SUCO: variants seen among roughly 807,000 people sequenced by gnomAD.
The protein encoded by SUCO is SUN domain-containing ossification factor.
SUCO carries 57 observed loss-of-function variants against 148.1 expected under a neutral mutation model. The ratio of observed to expected loss-of-function variants is 0.38; its 90% CI spans 0.31 to 0.48. The LOEUF is 0.48. Ranked by LOEUF, SUCO falls within the 20% of genes least tolerant of loss-of-function variation. SUCO has a pLI of 0.96. For synonymous variants in SUCO, 470 were observed against 502.7 expected (o/e 0.93, Z 0.87); for missense variants, 1,331 against 1,468.2 (o/e 0.91, Z 1.53).
At chr1:172,587,191 A>G (rs913932521) in intron 17 of SUCO, among the ~76,000 whole-genome samples, 2 of 152,010 alleles carry the variant, frequency 1.3e-5, no homozygotes, top group African/African-American at 2.4e-5. Flanking sequence ...TTTAATAGAT[A>G]TTTTTGCATA....
chr1:172,607,972 A>C (rs1376453511), intron 22 of SUCO: 5 of 492,106 alleles, frequency 1.0e-5, no homozygotes, highest in Non-Finnish European at 1.3e-5. Flanking sequence ...TCAGACCTTA[A>C]ATTGTTTATT....
At position 172,561,011 on chromosome 1, in the gene SUCO, C is replaced by T. The variant is rs77011391; in HGVS notation, c.732+3217C>T. Among the ~76,000 whole-genome samples the T allele has an allele frequency of 4.4e-3, 674 of 152,338 alleles. 5 individuals carry two copies. Among genetic ancestry groups the T allele is most frequent in the African/African-American group, 0.015 (629 of 41,572 alleles). On this transcript the variant is annotated intron_variant, in intron 6 of 23. Transcript: ENST00000263688. ...GTTTTCTGAAAGAGGGTGGCACCGC[C>T]ACCTTCCCAGACTAGATAGTTGTTT...
At chr1:172,584,894 A>T in intron 15 of SUCO, 124 bp from the exon 16 acceptor site, 2 of 569,390 alleles carry the variant, frequency 3.5e-6, no homozygotes, top group Admixed American at 3.5e-5. Flanking sequence ...TTGTGAGGTG[A>T]ATACAAAAGT....
chr1:172,573,039 A>C (rs549078833), intron 9 of SUCO, among the ~76,000 whole-genome samples: 2 of 152,298 alleles, frequency 1.3e-5, no homozygotes, highest in South Asian at 4.1e-4. Context: ...TTAAAAAAAA[A>C]CAGCTTTATT....
At chr1:172,553,925 C>T (rs867463244) in intron 3 of SUCO, among the ~76,000 whole-genome samples, 10 of 152,148 alleles carry the variant, frequency 6.6e-5, no homozygotes, top group South Asian at 2.1e-4. Context: ...TATCTGGAAA[C>T]CATGTAATAT....
intron 4 of SUCO, among the ~76,000 whole-genome samples, chr1:172,556,412 G>A (rs967524574): frequency 6.6e-6 from 1 of 151,974 alleles, no homozygotes; most frequent in African/African-American, 2.4e-5. Flanking sequence ...TTATGTCTTC[G>A]TGTGAATCGC....
chr1:172,598,751 T>C (rs1227045928), intron 19 of SUCO, among the ~76,000 whole-genome samples: 3 of 152,220 alleles, frequency 2.0e-5, no homozygotes, highest in Non-Finnish European at 4.4e-5. Context: ...TTACTAACTT[T>C]AATAGCTTGT....
chr1:172,551,491 G>T (rs770144062), intron 1 of SUCO, 21 bp from the exon 2 acceptor site: 72 of 1,412,088 alleles, frequency 5.1e-5, no homozygotes, highest in Middle Eastern at 1.8e-4. Context: ...CTGTTTGTTG[G>T]TGGTGGTGGG....
chr1:172,587,526 G>C (rs919338983), intron 17 of SUCO, among the ~76,000 whole-genome samples: 2 of 151,696 alleles, frequency 1.3e-5, no homozygotes, highest in African/African-American at 4.8e-5. Flanking sequence ...TAAATTATTT[G>C]GTAGAAAAGC....
At chr1:172,562,784 A>G (rs1654272930) in intron 6 of SUCO, among the ~76,000 whole-genome samples, 1 of 152,092 alleles carries the variant, frequency 6.6e-6, no homozygotes, top group Non-Finnish European at 1.5e-5. Flanking sequence ...GAATTTTCTT[A>G]CTTGTCTGAT....
chr1:172,551,408 C>T (rs1037670775), intron 1 of SUCO, 104 bp from the exon 2 acceptor site: 22 of 599,228 alleles, frequency 3.7e-5, no homozygotes, highest in Non-Finnish European at 5.8e-5. Flanking sequence ...GTCTGTTTAT[C>T]GCCTCAAATT....
At chr1:172,604,326 TA>T (rs1657720999) in intron 22 of SUCO, among the ~76,000 whole-genome samples, 1 of 151,914 alleles carries the variant, frequency 6.6e-6, no homozygotes, top group Admixed American at 6.6e-5. Context: ...TCTTTACCAG[TA>T]AAGAAAGTTG....
Position 172,585,014 on chromosome 1 carries a change from T to G in SUCO, c.1499-4T>G, listed in dbSNP as rs765025528. 1 of 1,592,660 alleles carries G rather than the reference T, an allele frequency of 6.3e-7. No homozygotes were observed. Among genetic ancestry groups the G allele is most frequent in the African/African-American group, 1.3e-5 (1 of 74,428 alleles). On this transcript the variant is annotated splice_polypyrimidine_tract_variant and splice_region_variant and intron_variant, in intron 15 of 23. Coordinates refer to ENST00000263688, the MANE Select transcript of SUCO (RefSeq NM_014283.5). ...GTACTTTTTCTGATTGAATTTTGTTTTAGATGCCATTCTAAATATGGTGAA... is the reference window on the plus strand; with the variant it reads ...GTACTTTTTCTGATTGAATTTTGTTGTAGATGCCATTCTAAATATGGTGAA...
At chr1:172,532,483 T>C, upstream of SUCO, 1 of 1,612,562 alleles carries the variant, frequency 6.2e-7, no homozygotes. Flanking sequence ...ATGAGAGGAT[T>C]CTTGGCACGC....
rs773927072 is a variant in SUCO, at chr1:172,575,635, A to G, written c.1263+12A>G. 5.3e-6 allele frequency: 8 copies of G among 1,515,096 alleles called. No individual in the cohort carries two copies. The highest frequency in any genetic ancestry group is 7.3e-6 in the Non-Finnish European group (8 of 1,091,634). 93.9% of individuals were successfully genotyped at this position (1,515,096 alleles called of 1,614,324 possible). A position where few individuals can be genotyped will look rare whatever the true frequency, so the allele number is the denominator to read the frequency against. On this transcript the variant is annotated intron_variant, in intron 11 of 23. Transcript: ENST00000263688. ...CAAAATATGTCAAGGTAATGTTTAC[A>G]CATACAGGACTATGTTCTATAATGA...
At chr1:172,594,553 G>T (rs1280687892) in intron 19 of SUCO, among the ~76,000 whole-genome samples, 1 of 152,174 alleles carries the variant, frequency 6.6e-6, no homozygotes, top group Non-Finnish European at 1.5e-5. Flanking sequence ...TAGTCATTCA[G>T]GAGCAGATTG....
At chr1:172,599,363 T>G (rs1657350741) in intron 19 of SUCO, 1 of 569,768 alleles carries the variant, frequency 1.8e-6, no homozygotes. Flanking sequence ...TCAGTTAAAG[T>G]CTCCCTAATA....
rs538598531 is a variant in SUCO, at chr1:172,595,856, A to G, written c.2914-4208A>G. ...TAGGTTGGGGAAGTTCTCGTGGATA[A>G]TACCCTGCAGCATGTTTTCCAACTT... On this transcript the variant is annotated intron_variant, in intron 19 of 23. Coordinates refer to ENST00000263688, the MANE Select transcript of SUCO (RefSeq NM_014283.5). 5.3e-5 allele frequency among the ~76,000 whole-genome samples: 8 copies of G among 152,282 alleles called. No homozygotes were observed. The East Asian group carries it at 1.5e-3, about 29-fold the overall frequency.
In SUCO at chr1:172,589,626, A is replaced by G. The variant is rs1355790777; in HGVS notation, c.2525A>G (p.Lys842Arg). Reference protein sequence around the residue: ...TVPDNEDGEAKMNIADTAKQT... With the variant: ...TVPDNEDGEARMNIADTAKQT... ...CCCGACAATGAAGATGGGGAAGCCA[A>G]AATGAATATAGCTGACACAGCAAAG... is the stretch of plus-strand genomic sequence containing the variant. The change falls in exon 18 of 24, where the codon AAA (lysine) becomes AGA (arginine). Residue 842 changes from lysine to arginine, a missense_variant. Coordinates refer to ENST00000263688, the MANE Select transcript of SUCO (RefSeq NM_014283.5). The G allele has an allele frequency of 6.2e-7, 1 of 1,613,940 alleles. No individual in the cohort carries two copies. Among genetic ancestry groups the G allele is most frequent in the African/African-American group, 1.3e-5 (1 of 75,056 alleles).
Sources: allele counts gnomAD v4.1 joint callset (sites outside exome capture counted in the v4.1 genomes callset), GRCh38; gene constraint gnomAD v4.1.1; transcripts MANE v1.5; gene names NCBI Gene and HGNC (gene_info 2026-07-23, HGNC 2026-07-21).